The following TESPA1 variants were observed in gnomAD, a reference collection of about 807,000 sequenced individuals.
The protein encoded by TESPA1 is protein TESPA1.
Under a neutral mutation model 57.9 loss-of-function variants are expected in TESPA1, and 33 were observed. The observed-to-expected ratio is 0.57, with a 90% CI of 0.43 to 0.76. The LOEUF (loss-of-function observed/expected upper bound fraction) is 0.76, where lower values mean the gene tolerates loss of function less well. TESPA1 is among the 30% of genes least tolerant of loss of function. The probability of loss-of-function intolerance (pLI) is 0.00; values close to 1 mark genes in which losing one functional copy is unlikely to be tolerated. For missense variants in TESPA1, 618 were observed against 632.9 expected (o/e 0.98, Z 0.25); for synonymous variants, 227 against 228.9 (o/e 0.99, Z 0.07).
At chr12:54,973,799 A>G in intron 2 of TESPA1, 1 of 1,209,800 alleles carries the variant, frequency 8.3e-7, no homozygotes, top group Non-Finnish European at 1.0e-6. Flanking sequence ...CTTTCCCACA[A>G]GGGTGGATCC....
chr12:54,963,004 G>T lies in TESPA1; in HGVS notation c.894C>A (p.Asp298Glu), dbSNP rs570649963. Residue 298 changes from aspartate (D) to glutamate (E), a missense_variant, in exon 9 of 11, where the codon GAC (aspartate) becomes GAA (glutamate). Physicochemically the swap from Asp to Glu is conservative, Grantham distance 45. This residue lies in a region of TESPA1 where 409 missense variants were observed against 420.1 expected (regional missense o/e 0.97). Coordinates refer to ENST00000449076, the MANE Select transcript of TESPA1 (RefSeq NM_001136030.3). ...GGGTGTTGTGGGGTGGTGGTGGCCGGTCTCGGGGGCATGTGTACAGACACA... is the reference window on the plus strand; with the variant it reads ...GGGTGTTGTGGGGTGGTGGTGGCCGTTCTCGGGGGCATGTGTACAGACACA... ...SKMCLYTCPR[D>E]RPPPPHNTPK... 9.9e-6 allele frequency: 16 copies of T among 1,613,816 alleles called. No homozygotes were observed. The highest frequency in any genetic ancestry group is 6.7e-5 in the African/African-American group (5 of 74,986).
intron 1 of TESPA1, 107 bp from the exon 2 acceptor site, chr12:54,974,714 C>T (rs1952054642): frequency 1.4e-6 from 1 of 738,220 alleles, no homozygotes; most frequent in Non-Finnish European, 1.9e-6. Flanking sequence ...GGAGCTTGGT[C>T]TCTCTGACCA....
chr12:54,970,974 C>T (rs527656936), intron 3 of TESPA1, among the ~76,000 whole-genome samples: 1 of 152,178 alleles, frequency 6.6e-6, no homozygotes, highest in East Asian at 1.9e-4. Flanking sequence ...CAGAAAATCC[C>T]GAGAGCTTAG....
Position 54,974,375 on chromosome 12 carries a change from C to T in TESPA1, c.163+25G>A, listed in dbSNP as rs150316375. On this transcript the variant is annotated intron_variant, in intron 2 of 10. Coordinates refer to ENST00000449076, the MANE Select transcript of TESPA1 (RefSeq NM_001136030.3). ...ACCTTTTGCCGCCAGACAACATAGA[C>T]GCCTGTCTGATGTTCGTCTCTTACC... is the stretch of plus-strand genomic sequence containing the variant. 151 of 1,559,928 alleles carry T rather than the reference C, an allele frequency of 9.7e-5. 2 individuals carry two copies. The highest frequency in any genetic ancestry group is 5.4e-4 in the African/African-American group (40 of 73,942).
chr12:54,962,991 G>A lies in TESPA1; in HGVS notation c.907C>T (p.Pro303Ser). The change falls in exon 9 of 11, where the codon CCC becomes TCC. Residue 303 changes from proline (P) to serine (S), a missense_variant. Physicochemically the swap from Pro to Ser is moderately conservative, Grantham distance 74 (BLOSUM62 -1). This residue lies in a region of TESPA1 where 409 missense variants were observed against 420.1 expected (regional missense o/e 0.97). Coordinates refer to ENST00000449076, the MANE Select transcript of TESPA1 (RefSeq NM_001136030.3). ...YTCPRDRPPP[P>S]HNTPKRNSLD... ...CTGTTCCTTTTGGGGGTGTTGTGGG[G>A]TGGTGGTGGCCGGTCTCGGGGGCAT... 1.2e-6 allele frequency: 2 copies of A among 1,613,700 alleles called. No homozygotes were observed. Among genetic ancestry groups the A allele is most frequent in the Non-Finnish European group, 1.7e-6 (2 of 1,179,834 alleles).
chr12:54,957,569 A>T (rs913182488), intron 10 of TESPA1, among the ~76,000 whole-genome samples: 4 of 152,172 alleles, frequency 2.6e-5, no homozygotes, highest in Non-Finnish European at 4.4e-5. Flanking sequence ...AGAGGAGTGG[A>T]TTGAGAGAAA....
At chr12:54,956,222 T>C (rs1302586683) in intron 10 of TESPA1, among the ~76,000 whole-genome samples, 5 of 152,176 alleles carry the variant, frequency 3.3e-5, no homozygotes, top group Non-Finnish European at 5.9e-5. Context: ...CAAGCTAGTT[T>C]TCTTCTTTGT....
chr12:54,972,668 C>A (rs1236553930), intron 3 of TESPA1, among the ~76,000 whole-genome samples: 1 of 152,154 alleles, frequency 6.6e-6, no homozygotes, highest in African/African-American at 2.4e-5. Flanking sequence ...CCTGGCATTG[C>A]CTTCTTGGGT....
At chr12:54,952,563 C>T (rs1346423193) in intron 10 of TESPA1, among the ~76,000 whole-genome samples, 1 of 152,170 alleles carries the variant, frequency 6.6e-6, no homozygotes, top group Non-Finnish European at 1.5e-5. Context: ...AAATAATTTC[C>T]ATCCAGTGGA....
chr12:54,973,346 A>T, intron 3 of TESPA1, 131 bp downstream of exon 3: 4 of 1,340,164 alleles, frequency 3.0e-6, no homozygotes, highest in Non-Finnish European at 4.2e-6. Flanking sequence ...TCCAACCACC[A>T]TCTCAACCTT....
intron 1 of TESPA1, among the ~76,000 whole-genome samples, chr12:54,977,426 G>A (rs1253699147): frequency 6.6e-6 from 1 of 152,216 alleles, no homozygotes; most frequent in African/African-American, 2.4e-5. Flanking sequence ...GGAGAAAAGA[G>A]AGATGGTTAT....
Position 54,967,188 on chromosome 12 carries a change from G to A in TESPA1, c.305C>T (p.Ala102Val), listed in dbSNP as rs374110781. 5.4e-5 allele frequency: 87 copies of A among 1,612,082 alleles called. No individual in the cohort carries two copies. Among genetic ancestry groups the A allele is most frequent in the Admixed American group, 2.0e-4 (12 of 59,780 alleles). ...TSFEDDLTLG[A>V]EATLLAANGK... The stretch of plus-strand genomic sequence containing the variant: ...CAGAGAACTGTGCCACTTACCCTCC[G>A]CTCCCAGGGTCAAGTCATCTTCAAA... The change falls in exon 5 of 11, where the codon GCG (alanine) becomes GTG (valine). Residue 102 changes from alanine to valine, a missense_variant. Ala to Val is a moderately conservative substitution (Grantham distance 64, BLOSUM62 0). Transcript: ENST00000449076.
intron 9 of TESPA1, among the ~76,000 whole-genome samples, chr12:54,961,980 A>T (rs944487570): frequency 1.3e-5 from 2 of 152,170 alleles, no homozygotes; most frequent in African/African-American, 4.8e-5. Context: ...GGTTCTGCTC[A>T]CACTGTCACA....
chr12:54,961,069 T>C, intron 10 of TESPA1, 99 bp downstream of exon 10: 1 of 1,328,430 alleles, frequency 7.5e-7, no homozygotes, highest in South Asian at 1.2e-5. Flanking sequence ...AATTACAGAA[T>C]GTGGGACCCT....
chr12:54,973,515 A>C lies in TESPA1; in HGVS notation c.168T>G (p.Asn56Lys), dbSNP rs201661060. Residue 56 changes from asparagine to lysine, a missense_variant, in exon 3 of 11, where the codon AAT becomes AAG. By Grantham distance (94) the Asn-to-Lys change is moderately conservative. This residue lies in a region of TESPA1 where 199 missense variants were observed against 184.0 expected (regional missense o/e 1.08). Coordinates refer to ENST00000449076, the MANE Select transcript of TESPA1 (RefSeq NM_001136030.3). ...SSLDDVFQEG[N>K]PINKIEDWLQ... ...GCCAGTCTTCAATTTTATTGATTGG[A>C]TTCCCTAGAAAAGTCAGACACTAGA... 16 of 1,614,006 alleles carry C rather than the reference A, an allele frequency of 9.9e-6. No individual in the cohort carries two copies. In the Admixed American group the frequency reaches 2.3e-4, roughly 24 times the overall value.
At chr12:54,951,291 C>A (rs754775905) in intron 10 of TESPA1, among the ~76,000 whole-genome samples, 1 of 152,198 alleles carries the variant, frequency 6.6e-6, no homozygotes, top group Non-Finnish European at 1.5e-5. Context: ...TGAATATGTG[C>A]TTGCTTCCCC....
chr12:54,974,005 G>T (rs1952010300), intron 2 of TESPA1: 2 of 703,656 alleles, frequency 2.8e-6, no homozygotes, highest in Middle Eastern at 6.9e-4. Flanking sequence ...TCTTAGAGAG[G>T]TGAGTGACTT....
At chr12:54,951,852 T>G (rs942433961) in intron 10 of TESPA1, among the ~76,000 whole-genome samples, 4 of 151,614 alleles carry the variant, frequency 2.6e-5, no homozygotes, top group African/African-American at 2.4e-5. Context: ...CTAAGTTGTT[T>G]TTTTTTTTTT....
At chr12:54,970,562 G>C (rs568179134) in intron 3 of TESPA1, among the ~76,000 whole-genome samples, 32 of 152,252 alleles carry the variant, frequency 2.1e-4, no homozygotes, top group Non-Finnish European at 3.5e-4. Context: ...CATGGGCCTG[G>C]AGCTATTGAT....
Sources: gnomAD v4.1 joint callset for allele counts (sites outside exome capture counted in the v4.1 genomes callset) on GRCh38, gnomAD v4.1.1 for gene constraint, gnomAD v4.1.1 regional missense constraint, MANE v1.5 for transcripts, NCBI Gene and HGNC (gene_info 2026-07-23, HGNC 2026-07-21) for gene names.